Variants in YBEY observed in about 807,000 individuals in gnomAD.
YBEY encodes the protein endoribonuclease YbeY.
A neutral mutation model predicts 13.5 loss-of-function variants in YBEY; 15 were observed. That is an observed-to-expected ratio of 1.11 (90% CI 0.75 to 1.72). The LOEUF (loss-of-function observed/expected upper bound fraction) is 1.72, where lower values mean the gene tolerates loss of function less well. Ranked by LOEUF, YBEY falls within the 40% of genes most tolerant of loss-of-function variation. The probability of loss-of-function intolerance (pLI) is 0.00; values close to 1 mark genes in which losing one functional copy is unlikely to be tolerated. For synonymous variants in YBEY, 101 were observed against 83.1 expected, an observed-to-expected ratio of 1.21 and a Z score of -1.17; for missense variants, 244 against 208.4, an observed-to-expected ratio of 1.17 and a Z score of -1.05.
Position 46,297,602 on chromosome 21 carries a change from C to A in YBEY, c.472C>A (p.Pro158Thr). 7.3e-7 allele frequency: 1 copy of A among 1,373,744 alleles called. No individual in the cohort carries two copies. The highest frequency in any genetic ancestry group is 3.0e-5 in the East Asian group (1 of 33,180). 85.1% of individuals were successfully genotyped at this position (1,373,744 alleles called of 1,614,324 possible). The part of the protein sequence containing the change: ...LGRRTGTRLQ[P>T]LTRGLFGGS Reference sequence around the variant, plus strand: ...CCGACGCACGGGGACCCGGCTGCAGCCCCTGACCCGGGGCCTCTTCGGAGG... The same window carrying A: ...CCGACGCACGGGGACCCGGCTGCAGACCCTGACCCGGGGCCTCTTCGGAGG... The change falls in exon 5 of 5, where the codon CCC becomes ACC. Residue 158 changes from proline to threonine, a missense_variant. Transcript: ENST00000397701.
At chr21:46,313,125 C>T in the YBEY span, 7 of 921,920 alleles carry the variant, frequency 7.6e-6, no homozygotes, top group Non-Finnish European at 9.1e-6. Flanking sequence ...GCAGGACACA[C>T]CGTCAGCTCT....
intron 3 of YBEY, chr21:46,291,803 C>T (rs1020432846): frequency 1.8e-5 from 20 of 1,082,432 alleles, no homozygotes; most frequent in Non-Finnish European, 2.2e-5. Context: ...TTGGAGCCTC[C>T]ACCACCTTCC....
At chr21:46,291,772 G>C in intron 3 of YBEY, 2 of 1,100,066 alleles carry the variant, frequency 1.8e-6, no homozygotes, top group Non-Finnish European at 2.2e-6. Flanking sequence ...GCTTCTTTCT[G>C]AGCTGCCAGA....
At position 46,286,964 on chromosome 21, in the gene YBEY, G is replaced by A. The variant is rs2081461818; in HGVS notation, c.51G>A (p.Ala17=). The part of the protein sequence containing the change: ...NLQRVIPIRR[A]PLRSKIEIVR... ...AGCGAGTCATCCCCATCAGGAGAGC[G>A]CCACTTCGCAGTAAGATCGAGATTG... is the stretch of plus-strand genomic sequence containing the variant. The change falls in exon 2 of 5, where the codon GCG becomes GCA. Residue 17 remains alanine (A), a synonymous_variant. Transcript: ENST00000397701. The A allele has an allele frequency of 1.9e-6, 3 of 1,614,100 alleles. No individual in the cohort carries two copies. Among genetic ancestry groups the A allele is most frequent in the African/African-American group, 2.7e-5 (2 of 75,018 alleles).
intron 3 of YBEY, among the ~76,000 whole-genome samples, chr21:46,294,582 CCGCGG>C (rs2081879873): frequency 1.2e-5 from 1 of 80,508 alleles, no homozygotes; most frequent in African/African-American, 5.7e-5. Flanking sequence ...TAAATTCCTC[CCGCGG>C]TTAGCCTGAC....
intron 2 of YBEY, among the ~76,000 whole-genome samples, chr21:46,287,332 C>T (rs1198895373): frequency 6.6e-6 from 1 of 151,958 alleles, no homozygotes; most frequent in Non-Finnish European, 1.5e-5. Flanking sequence ...TAGGTGGGAC[C>T]ACAGATGCTG....
intron 2 of YBEY, 22 bp from the exon 3 acceptor site, chr21:46,291,312 T>A: frequency 6.2e-7 from 1 of 1,613,754 alleles, no homozygotes; most frequent in Non-Finnish European, 8.5e-7. Context: ...GTTCTCTAAG[T>A]CTACATTTCC....
At chr21:46,298,638 C>T (rs911028523), downstream of YBEY, among the ~76,000 whole-genome samples, 8 of 151,748 alleles carry the variant, frequency 5.3e-5, no homozygotes, top group Non-Finnish European at 7.4e-5. Flanking sequence ...ACTGTGTTAG[C>T]CAGGATGGTC....
rs61182475 is a variant in YBEY at position 46,287,136 on chromosome 21, T to A, written c.210+13T>A. On this transcript the variant is annotated intron_variant, in intron 2 of 4. Transcript: ENST00000397701. ...TCCATTTCATGAGGTAAAAAAAAAA[T>A]GTTCCTCTTCTTGTCTAGCCCATCT... The A allele has an allele frequency of 0.44, 679,787 of 1,547,800 alleles. 155,095 individuals are homozygous for A. Among genetic ancestry groups the A allele is most frequent in the Admixed American group, 0.48 (23,286 of 48,416 alleles).
At chr21:46,287,408 G>A (rs1384082358) in intron 2 of YBEY, among the ~76,000 whole-genome samples, 1 of 129,304 alleles carries the variant, frequency 7.7e-6, no homozygotes, top group African/African-American at 2.7e-5. Context: ...TTACCATGTT[G>A]GCCAGGCTGC....
downstream of YBEY, chr21:46,302,720 G>T (rs1395283382): frequency 1.5e-6 from 1 of 657,318 alleles, no homozygotes; most frequent in African/African-American, 1.8e-5. Flanking sequence ...GTCTGCACAC[G>T]GTGCGGGTCC....
At chr21:46,303,727 A>ATATT in the YBEY span, among the ~76,000 whole-genome samples, 1 of 26,616 alleles carries the variant, frequency 3.8e-5, no homozygotes, top group Non-Finnish European at 7.4e-5. Flanking sequence ...ATATATATAT[A>ATATT]TATATATATA....
At chr21:46,301,914 C>T, downstream of YBEY, 1 of 1,383,074 alleles carries the variant, frequency 7.2e-7, no homozygotes, top group Admixed American at 3.3e-5. Flanking sequence ...TCTCCCTGCT[C>T]CCTTCCATAG....
chr21:46,291,234 TA>T (rs2081696698), intron 2 of YBEY, 99 bp from the exon 3 acceptor site: 1 of 1,350,976 alleles, frequency 7.4e-7, no homozygotes, highest in Non-Finnish European at 1.0e-6. Flanking sequence ...GGCTCAGAGA[TA>T]AGTGCTTATT....
chr21:46,308,823 T>C, the YBEY span, among the ~76,000 whole-genome samples: 1 of 152,126 alleles, frequency 6.6e-6, no homozygotes, highest in Non-Finnish European at 1.5e-5. Flanking sequence ...TAATGTGTTA[T>C]CATGGGAGGA....
At position 46,292,514 on chromosome 21, in the gene YBEY, G is replaced by A. The variant is rs182676123; in HGVS notation, c.339+1052G>A. Reference sequence around the variant, plus strand: ...AAACTCTAGATTAAATTCCTCCCGTGGTTAGCTTGGCCTGTGCCCGGGACT... The same window carrying A: ...AAACTCTAGATTAAATTCCTCCCGTAGTTAGCTTGGCCTGTGCCCGGGACT... On this transcript the variant is annotated intron_variant, in intron 3 of 4. Coordinates refer to ENST00000397701, the MANE Select transcript of YBEY (RefSeq NM_001314025.2). Among the ~76,000 whole-genome samples the A allele has an allele frequency of 7.9e-5, 12 of 151,906 alleles. 1 individual carries two copies. In the East Asian group the frequency reaches 2.1e-3, roughly 27 times the overall value.
chr21:46,310,867 T>C, the YBEY span, among the ~76,000 whole-genome samples: 2 of 151,620 alleles, frequency 1.3e-5, 1 homozygote, highest in African/African-American at 4.8e-5. Flanking sequence ...TTAAAAGCTA[T>C]TATTATTATT....
the YBEY span, among the ~76,000 whole-genome samples, chr21:46,305,436 C>T: frequency 6.7e-6 from 1 of 150,148 alleles, no homozygotes; most frequent in Non-Finnish European, 1.5e-5. Flanking sequence ...CTCAAGGGAT[C>T]CCCCCATCTC....
At chr21:46,299,047 C>CTTT (rs58361649), downstream of YBEY, among the ~76,000 whole-genome samples, 1 of 108,870 alleles carries the variant, frequency 9.2e-6, no homozygotes, top group Non-Finnish European at 1.9e-5. Context: ...TTCTTTCTTT[C>CTTT]TTTTTTTTTT....
Sources: gnomAD v4.1 joint callset for allele counts (sites outside exome capture counted in the v4.1 genomes callset) on GRCh38, gnomAD v4.1.1 for gene constraint, MANE v1.5 for transcripts, NCBI Gene and HGNC (gene_info 2026-07-23, HGNC 2026-07-21) for gene names.